Variants in PAWR observed in about 807,000 individuals in gnomAD.
The protein encoded by PAWR is pro-apoptotic WT1 regulator.
PAWR carries 23 observed loss-of-function variants against 32.0 expected under a neutral mutation model. The observed-to-expected ratio is 0.72, with a 90% CI of 0.52 to 1.02. The LOEUF (loss-of-function observed/expected upper bound fraction) is 1.02. Among genes scored for constraint, PAWR ranks in the 50% least tolerant of loss-of-function variants. PAWR has a pLI of 0.00. For missense variants in PAWR, 457 were observed against 437.7 expected (o/e 1.04, Z -0.39); for synonymous variants, 226 against 187.1 (o/e 1.21, Z -1.70).
intron 4 of PAWR, among the ~76,000 whole-genome samples, chr12:79,612,571 C>A (rs948659878): frequency 1.3e-4 from 20 of 151,996 alleles, no homozygotes; most frequent in Non-Finnish European, 5.9e-5. Context: ...AGGTTTATAA[C>A]CCCAGAAAAA....
intron 2 of PAWR, among the ~76,000 whole-genome samples, chr12:79,632,320 T>TATATAC (rs1875696056): frequency 7.2e-5 from 2 of 27,848 alleles, no homozygotes; most frequent in Non-Finnish European, 1.0e-4. Context: ...TACATATATA[T>TATATAC]ATATATATAT....
intron 3 of PAWR, 40 bp downstream of exon 3, chr12:79,621,036 T>G (rs1317349274): frequency 6.6e-7 from 1 of 1,507,824 alleles, no homozygotes; most frequent in Admixed American, 2.0e-5. Context: ...AAATTGCCAT[T>G]AAAATAGATA....
At chr12:79,668,194 T>C (rs1300067772) in intron 2 of PAWR, 1 of 152,244 alleles carries the variant, frequency 6.6e-6, no homozygotes, top group East Asian at 1.9e-4. Context: ...CTTTCTATAG[T>C]AAAAGTTTGT....
chr12:79,689,156 G>T (rs546820312), intron 2 of PAWR, among the ~76,000 whole-genome samples: 14 of 152,110 alleles, frequency 9.2e-5, no homozygotes, highest in South Asian at 4.1e-4. Context: ...GTGTGTTTAG[G>T]AGCACAACTT....
chr12:79,607,734 A>T (rs200312703), intron 4 of PAWR, among the ~76,000 whole-genome samples: 3,594 of 144,034 alleles, frequency 0.025, 149 homozygotes, highest in East Asian at 0.2. Flanking sequence ...GTCTCAAAAA[A>T]AAAAAAAAAA....
intron 3 of PAWR, among the ~76,000 whole-genome samples, chr12:79,618,324 T>C (rs1874843124): frequency 6.6e-6 from 1 of 152,142 alleles, no homozygotes; most frequent in African/African-American, 2.4e-5. Context: ...AGATGGGGTT[T>C]TGTCATGTTG....
At position 79,585,093 on chromosome 12, in the gene PAWR, A is replaced by T. The variant is rs548696604; in HGVS notation, c.*7514T>A. 83 of 436,528 alleles carry T rather than the reference A, an allele frequency of 1.9e-4. No individual in the cohort carries two copies. Among genetic ancestry groups the T allele is most frequent in the African/African-American group, 1.1e-3 (55 of 48,854 alleles). 27.0% of individuals were successfully genotyped at this position (436,528 alleles called of 1,614,324 possible). A position where few individuals can be genotyped will look rare whatever the true frequency, so the allele number is the denominator to read the frequency against. ...GGGTTATGTCAGGATGCCAATGTCC[A>T]TGCTGAGGCTTCTCCTGATACAATC... On this transcript the variant is annotated 3_prime_UTR_variant, in exon 7 of 7. Transcript: ENST00000328827.
intron 2 of PAWR, among the ~76,000 whole-genome samples, chr12:79,676,320 G>C (rs1294832356): frequency 4.6e-5 from 7 of 152,044 alleles, no homozygotes; most frequent in Non-Finnish European, 1.5e-5. Context: ...AATATTCTAA[G>C]AGCCAGCTTG....
intron 2 of PAWR, among the ~76,000 whole-genome samples, chr12:79,638,972 G>T (rs1325816978): frequency 1.6e-5 from 2 of 124,564 alleles, no homozygotes; most frequent in African/African-American, 6.1e-5. Context: ...GAGTGCAGTG[G>T]CATGATCTCA....
At chr12:79,616,056 C>CAAAA (rs140963642) in intron 3 of PAWR, among the ~76,000 whole-genome samples, 2 of 72,382 alleles carry the variant, frequency 2.8e-5, no homozygotes, top group African/African-American at 7.3e-5. Flanking sequence ...GACCCTGTCT[C>CAAAA]AAAAAAAAAA....
intron 2 of PAWR, among the ~76,000 whole-genome samples, chr12:79,686,646 C>A (rs1219755295): frequency 6.6e-6 from 1 of 152,174 alleles, no homozygotes; most frequent in South Asian, 2.1e-4. Context: ...CACTGCATGT[C>A]GGTACTTAAT....
intron 2 of PAWR, among the ~76,000 whole-genome samples, chr12:79,672,723 C>CAA (rs774547367): frequency 1.6e-5 from 2 of 125,124 alleles, no homozygotes. Flanking sequence ...AATGTATCAC[C>CAA]AAAAAAAAAA....
At chr12:79,686,885 T>C (rs1878706265) in intron 2 of PAWR, among the ~76,000 whole-genome samples, 1 of 152,176 alleles carries the variant, frequency 6.6e-6, no homozygotes, top group Non-Finnish European at 1.5e-5. Flanking sequence ...CATGTAATTA[T>C]GCCTTATCCT....
intron 2 of PAWR, among the ~76,000 whole-genome samples, chr12:79,673,066 A>G (rs1308604577): frequency 1.3e-5 from 2 of 152,040 alleles, no homozygotes; most frequent in Non-Finnish European, 2.9e-5. Flanking sequence ...AAGTGAGTCA[A>G]ATTAATCATA....
At chr12:79,627,007 G>A (rs1566008465) in intron 2 of PAWR, among the ~76,000 whole-genome samples, 1 of 152,144 alleles carries the variant, frequency 6.6e-6, no homozygotes, top group Non-Finnish European at 1.5e-5. Context: ...TATTTAGGTT[G>A]GTTCCAAGTC....
chr12:79,639,844 C>CCA (rs1876202166), intron 2 of PAWR, among the ~76,000 whole-genome samples: 1 of 94,716 alleles, frequency 1.1e-5, no homozygotes, highest in African/African-American at 4.8e-5. Context: ...ATTCCTATTC[C>CCA]TATTCCTATT....
intron 2 of PAWR, among the ~76,000 whole-genome samples, chr12:79,639,872 T>G (rs1321595993): frequency 9.8e-6 from 1 of 101,886 alleles, no homozygotes; most frequent in Non-Finnish European, 1.8e-5. Context: ...CTATTCCTAT[T>G]CCTATTCCTA....
intron 2 of PAWR, among the ~76,000 whole-genome samples, chr12:79,665,621 G>T (rs917610264): frequency 6.6e-6 from 1 of 152,086 alleles, no homozygotes; most frequent in African/African-American, 2.4e-5. Context: ...TTGTGTTTAA[G>T]AACAAGAACT....
chr12:79,656,933 T>C (rs1461517564), intron 2 of PAWR, among the ~76,000 whole-genome samples: 3 of 151,574 alleles, frequency 2.0e-5, no homozygotes, highest in Non-Finnish European at 4.4e-5. Context: ...GAAATGGGAG[T>C]CCAGGAATGC....
Sources: gnomAD v4.1 joint callset for allele counts (sites outside exome capture counted in the v4.1 genomes callset) on GRCh38, gnomAD v4.1.1 for gene constraint, MANE v1.5 for transcripts, NCBI Gene and HGNC (gene_info 2026-07-23, HGNC 2026-07-21) for gene names.